The following CNTNAP5 variants were observed in gnomAD, a reference collection of about 807,000 sequenced individuals.
The protein encoded by CNTNAP5 is contactin associated protein family member 5, also known as contactin-associated protein-like 5.
In CNTNAP5, 72 loss-of-function variants were observed where a neutral mutation model predicts 150.2. The ratio of observed to expected loss-of-function variants is 0.48; its 90% confidence interval spans 0.40 to 0.58. The LOEUF is 0.58. Among genes scored for constraint, CNTNAP5 ranks in the 20% least tolerant of loss-of-function variants. The pLI, the probability that CNTNAP5 is intolerant of heterozygous loss-of-function variation, is 0.00. For missense variants in CNTNAP5, 1,636 were observed against 1,626.2 expected (o/e 1.01, Z -0.10); for synonymous variants, 672 against 619.8 (o/e 1.08, Z -1.25).
chr2:124,366,552 A>T (rs1234773302), intron 3 of CNTNAP5, among the ~76,000 whole-genome samples: 1 of 152,214 alleles, frequency 6.6e-6, no homozygotes, highest in Non-Finnish European at 1.5e-5. Context: ...CAGGAAAAGA[A>T]AATCAACCTC....
intron 13 of CNTNAP5, among the ~76,000 whole-genome samples, chr2:124,713,371 CTT>C (rs200356590): frequency 8.6e-6 from 1 of 116,878 alleles, no homozygotes; most frequent in Non-Finnish European, 1.8e-5. Context: ...TTCTTTCTTT[CTT>C]TCTTTCTTCT....
chr2:124,743,415 G>A (rs926033000), intron 13 of CNTNAP5, among the ~76,000 whole-genome samples: 4 of 152,142 alleles, frequency 2.6e-5, no homozygotes, highest in Admixed American at 2.0e-4. Flanking sequence ...TATGCAACTT[G>A]TGCTTTACCC....
intron 3 of CNTNAP5, among the ~76,000 whole-genome samples, chr2:124,282,626 T>TA (rs1461928737): frequency 1.3e-5 from 2 of 152,098 alleles, no homozygotes; most frequent in Non-Finnish European, 2.9e-5. Flanking sequence ...AGGACTTTTT[T>TA]TTTTTTTGCA....
intron 1 of CNTNAP5, among the ~76,000 whole-genome samples, chr2:124,084,746 A>G (rs549957464): frequency 2.0e-5 from 3 of 152,158 alleles, no homozygotes; most frequent in South Asian, 2.1e-4. Flanking sequence ...ATGTGTATAT[A>G]TCTTCATTAA....
intron 3 of CNTNAP5, among the ~76,000 whole-genome samples, chr2:124,277,402 C>G (rs548515330): frequency 6.6e-6 from 1 of 152,100 alleles, no homozygotes. Context: ...GTCCTATAAA[C>G]AGCAAGTCCT....
Position 124,246,931 on chromosome 2 carries a change from A to G in CNTNAP5, c.381+4538A>G, listed in dbSNP as rs551046012. On this transcript the variant is annotated intron_variant, in intron 3 of 23. Coordinates refer to ENST00000682447, the MANE Select transcript of CNTNAP5 (RefSeq NM_001367498.1). Reference sequence around the variant, plus strand: ...AGACAGCCATATAGTCCTTTATTATAGACGCTTTTGGCCTGTGCACTCTGA... The same window carrying G: ...AGACAGCCATATAGTCCTTTATTATGGACGCTTTTGGCCTGTGCACTCTGA... Among the ~76,000 whole-genome samples the G allele has an allele frequency of 2.6e-5, 4 of 152,246 alleles. No homozygotes were observed. In the South Asian group the frequency reaches 8.3e-4, roughly 32 times the overall value.
At position 124,921,043 on chromosome 2, in the gene CNTNAP5, C is replaced by A. The variant is rs1388175138; in HGVS notation, c.*6755C>A. ...AAATCCCAAGTGATGTTGCCTCATT[C>A]CAAGTCAGTTTTGTAGACCATGTAA... is the stretch of plus-strand genomic sequence containing the variant. On this transcript the variant is annotated 3_prime_UTR_variant, in exon 24 of 24. Transcript: ENST00000682447. 2.6e-5 allele frequency among the ~76,000 whole-genome samples: 4 copies of A among 152,084 alleles called. No individual in the cohort carries two copies. Among genetic ancestry groups the A allele is most frequent in the Admixed American group, 2.6e-4 (4 of 15,248 alleles).
intron 3 of CNTNAP5, among the ~76,000 whole-genome samples, chr2:124,364,465 G>A (rs1690312852): frequency 6.6e-6 from 1 of 152,054 alleles, no homozygotes; most frequent in East Asian, 1.9e-4. Flanking sequence ...TCTATCACAC[G>A]ATATCATTAT....
At chr2:124,047,283 C>T (rs749884682) in intron 1 of CNTNAP5, among the ~76,000 whole-genome samples, 1 of 152,234 alleles carries the variant, frequency 6.6e-6, no homozygotes. Context: ...AATGTCCACT[C>T]AGGGAGACTG....
chr2:124,565,177 G>A (rs1341980639), intron 11 of CNTNAP5, among the ~76,000 whole-genome samples: 1 of 152,196 alleles, frequency 6.6e-6, no homozygotes, highest in Non-Finnish European at 1.5e-5. Context: ...GATCAATTTA[G>A]AGAAGAACTA....
At chr2:124,450,589 TGTAGA>T (rs1692945338) in intron 6 of CNTNAP5, among the ~76,000 whole-genome samples, 1 of 142,496 alleles carries the variant, frequency 7.0e-6, no homozygotes, top group Non-Finnish European at 1.5e-5. Context: ...AAGGGCAGAA[TGTAGA>T]TCCTTTACTT....
intron 7 of CNTNAP5, among the ~76,000 whole-genome samples, chr2:124,476,296 T>C (rs938672602): frequency 6.6e-6 from 1 of 152,188 alleles, no homozygotes. Context: ...AGGAGAAGGA[T>C]AGTTTGTTGC....
rs190064798 is a variant in CNTNAP5, at chr2:124,478,645, C to T, written c.1062+3763C>T. On this transcript the variant is annotated intron_variant, in intron 7 of 23. Coordinates refer to ENST00000682447, the MANE Select transcript of CNTNAP5 (RefSeq NM_001367498.1). Reference sequence around the variant, plus strand: ...AAACTCTTTCCTTTCTGTAGTCAAGCTTAAAGTTTCCCCCAAAGACACCAT... The same window carrying T: ...AAACTCTTTCCTTTCTGTAGTCAAGTTTAAAGTTTCCCCCAAAGACACCAT... Among the ~76,000 whole-genome samples the T allele has an allele frequency of 3.2e-3, 490 of 152,228 alleles. 13 individuals are homozygous for T. Among genetic ancestry groups the T allele is most frequent in the Admixed American group, 0.027 (412 of 15,274 alleles).
At chr2:124,055,520 C>T (rs1238893353) in intron 1 of CNTNAP5, among the ~76,000 whole-genome samples, 1 of 152,172 alleles carries the variant, frequency 6.6e-6, no homozygotes, top group Non-Finnish European at 1.5e-5. Context: ...TTCATGAATA[C>T]TCCCCAGAAT....
chr2:124,465,993 T>C (rs1379083118), intron 6 of CNTNAP5, among the ~76,000 whole-genome samples: 1 of 152,072 alleles, frequency 6.6e-6, no homozygotes, highest in Non-Finnish European at 1.5e-5. Flanking sequence ...AAAGTCAGTT[T>C]TCCAGGATGC....
At chr2:124,468,009 G>C (rs969690567) in intron 6 of CNTNAP5, among the ~76,000 whole-genome samples, 1 of 152,074 alleles carries the variant, frequency 6.6e-6, no homozygotes, top group African/African-American at 2.4e-5. Context: ...GATCACTAAT[G>C]GGGTGGTTTG....
chr2:124,656,665 A>G lies in CNTNAP5; in HGVS notation c.2077+8707A>G, dbSNP rs750556628. Among the ~76,000 whole-genome samples, 40 of 152,230 alleles carry G rather than the reference A, an allele frequency of 2.6e-4. 1 individual carries two copies. The highest frequency in any genetic ancestry group is 4.4e-5 in the Non-Finnish European group (3 of 68,048). On this transcript the variant is annotated intron_variant, in intron 13 of 23. Coordinates refer to ENST00000682447, the MANE Select transcript of CNTNAP5 (RefSeq NM_001367498.1). ...AACAGATGGTATATATCTGACCACA[A>G]TTGAGTTGCTGTTCAGACCATGAAT...
chr2:124,608,964 A>C (rs1443839152), intron 11 of CNTNAP5, among the ~76,000 whole-genome samples: 1 of 151,954 alleles, frequency 6.6e-6, no homozygotes, highest in East Asian at 1.9e-4. Flanking sequence ...AAAAAGAAAA[A>C]GTCTTTAATT....
At chr2:124,026,902 G>A (rs962263103) in intron 1 of CNTNAP5, among the ~76,000 whole-genome samples, 1 of 152,204 alleles carries the variant, frequency 6.6e-6, no homozygotes, top group African/African-American at 2.4e-5. Context: ...ATTTATCCCC[G>A]GAGTTATGTC....
Sources: gnomAD v4.1 joint callset for allele counts (sites outside exome capture counted in the v4.1 genomes callset) on GRCh38, gnomAD v4.1.1 for gene constraint, MANE v1.5 for transcripts, NCBI Gene and HGNC (gene_info 2026-07-23, HGNC 2026-07-21) for gene names.